PKM: variants seen among roughly 807,000 people sequenced by gnomAD.
PKM encodes the protein pyruvate kinase PKM.
A neutral mutation model predicts 49.8 loss-of-function variants in PKM; 18 were observed. The ratio of observed to expected loss-of-function variants is 0.36; its 90% CI spans 0.25 to 0.54. The LOEUF (loss-of-function observed/expected upper bound fraction) is 0.54, where lower values mean the gene tolerates loss of function less well. PKM is among the 20% of genes least tolerant of loss of function. The pLI, the probability that PKM is intolerant of heterozygous loss-of-function variation, is 0.89. For missense variants in PKM, 508 were observed against 713.8 expected, an observed-to-expected ratio of 0.71 and a Z score of 3.28; for synonymous variants, 239 against 261.8, an observed-to-expected ratio of 0.91 and a Z score of 0.84.
chr15:72,227,768 A>AAAAC (rs2082717618), intron 1 of PKM, among the ~76,000 whole-genome samples: 1 of 124,444 alleles, frequency 8.0e-6, no homozygotes. Context: ...AAAAAAAAAA[A>AAAAC]AAAAAACAAA....
chr15:72,211,065 CTTTG>C (rs1211167684), intron 3 of PKM, among the ~76,000 whole-genome samples: 4 of 151,028 alleles, frequency 2.6e-5, no homozygotes, highest in East Asian at 3.9e-4. Flanking sequence ...TTCTCAATCG[CTTTG>C]TTTTTTTTTT....
At chr15:72,221,334 T>A (rs2082517092) in intron 1 of PKM, 1 of 1,163,614 alleles carries the variant, frequency 8.6e-7, no homozygotes, top group Non-Finnish European at 1.2e-6. Context: ...CTCTTTGGGG[T>A]AATGGAAAAA....
chr15:72,206,674 C>A (rs1467426370), intron 8 of PKM, 54 bp downstream of exon 8: 1 of 1,578,264 alleles, frequency 6.3e-7, no homozygotes, highest in Admixed American at 1.7e-5. Context: ...GAGCTTGCAT[C>A]CATCCCAGGC....
chr15:72,208,018 G>C (rs1237973327), intron 6 of PKM, among the ~76,000 whole-genome samples: 1 of 152,346 alleles, frequency 6.6e-6, no homozygotes, highest in Middle Eastern at 3.4e-3. Context: ...TCTACTTTGT[G>C]AGCATTGGGG....
rs538682588 is a variant in PKM, at chr15:72,206,599, G to T, written c.1140+129C>A. On this transcript the variant is annotated intron_variant, in intron 8 of 10. Transcript: ENST00000335181. Reference sequence around the variant, plus strand: ...CTTCCACCCCCACCCTCTTGCTGCTGTAACTTGGAGGATAATGAAAGGCTG... The same window carrying T: ...CTTCCACCCCCACCCTCTTGCTGCTTTAACTTGGAGGATAATGAAAGGCTG... The T allele has an allele frequency of 6.9e-5, 65 of 945,446 alleles. No individual in the cohort carries two copies. In the East Asian group the frequency reaches 1.5e-3, roughly 22 times the overall value. The allele number at this position is 945,446 out of a possible 1,614,324, so 58.6% of individuals were successfully genotyped here.
chr15:72,200,668 G>C lies in PKM; in HGVS notation c.1308-13C>G. 6.2e-7 allele frequency: 1 copy of C among 1,608,954 alleles called. No homozygotes were observed. Among genetic ancestry groups the C allele is most frequent in the Admixed American group, 1.7e-5 (1 of 59,906 alleles). On this transcript the variant is annotated splice_polypyrimidine_tract_variant and intron_variant, in intron 9 of 10. Coordinates refer to ENST00000335181, the MANE Select transcript of PKM (RefSeq NM_002654.6). The surrounding 1 kb of genome is among the most constrained non-coding windows in gnomAD (Gnocchi z 4.6). ...CTGGTGAGCAGACCTGAGATGGGATGGGGGACATACAGAAGAGACCATTAC... is the reference window on the plus strand; with the variant it reads ...CTGGTGAGCAGACCTGAGATGGGATCGGGGACATACAGAAGAGACCATTAC...
chr15:72,230,457 C>G (rs2082825829), intron 1 of PKM, among the ~76,000 whole-genome samples: 1 of 152,052 alleles, frequency 6.6e-6, no homozygotes, highest in Non-Finnish European at 1.5e-5. Context: ...AGTGGGCGGG[C>G]GCGACCAGAG....
chr15:72,200,376 T>TC lies in PKM; in HGVS notation c.1489+97dup, dbSNP rs1164773081. The TC allele has an allele frequency of 1.8e-6, 2 of 1,101,784 alleles. No homozygotes were observed. The highest frequency in any genetic ancestry group is 4.9e-5 in the East Asian group (2 of 41,200). 68.3% of individuals were successfully genotyped at this position (1,101,784 alleles called of 1,614,324 possible). ...TTTTGCCCCACTAAGGTCTGTGTGT[T>TC]CCCCTTTCTATTCCCCAAACTTTCG... On this transcript the variant is annotated intron_variant, in intron 10 of 10. Coordinates refer to ENST00000335181, the MANE Select transcript of PKM (RefSeq NM_002654.6). The surrounding 1 kb of genome is among the most constrained non-coding windows in gnomAD (Gnocchi z 4.6).
At chr15:72,215,174 C>CT (rs377196472) in intron 3 of PKM, among the ~76,000 whole-genome samples, 9 of 151,932 alleles carry the variant, frequency 5.9e-5, no homozygotes, top group African/African-American at 2.2e-4. Context: ...GCACTCCAGC[C>CT]TGGGCAACAG....
chr15:72,221,266 T>C lies in PKM; in HGVS notation c.-13-2156A>G, dbSNP rs781177063. ...CTAGCAAAGACCGCTCAGAGCTGAA[T>C]ACGGTGTGCCCTGGAGAGCTGCACA... is the stretch of plus-strand genomic sequence containing the variant. On this transcript the variant is annotated intron_variant, in intron 1 of 10. Coordinates refer to ENST00000335181, the MANE Select transcript of PKM (RefSeq NM_002654.6). 82 of 1,534,570 alleles carry C rather than the reference T, an allele frequency of 5.3e-5. 2 individuals are homozygous for C. The South Asian group carries it at 9.3e-4, about 17-fold the overall frequency.
At chr15:72,207,574 C>G (rs2082117997) in intron 6 of PKM, among the ~76,000 whole-genome samples, 1 of 152,200 alleles carries the variant, frequency 6.6e-6, no homozygotes, top group Admixed American at 6.5e-5. Flanking sequence ...TCTCCAAATC[C>G]CATGCATGTT....
At chr15:72,212,797 C>G (rs1279572512) in intron 3 of PKM, among the ~76,000 whole-genome samples, 2 of 152,110 alleles carry the variant, frequency 1.3e-5, no homozygotes, top group Non-Finnish European at 2.9e-5. Context: ...TCAGGCCAGG[C>G]GCAGTGGCTC....
At chr15:72,204,113 G>A (rs983461026) in intron 8 of PKM, 3 of 152,186 alleles carry the variant, frequency 2.0e-5, no homozygotes, top group Admixed American at 6.6e-5. Context: ...TGTAAGAACG[G>A]AATGCATGCA....
chr15:72,221,118 AG>A (rs1444081917), intron 1 of PKM: 1 of 1,020,918 alleles, frequency 9.8e-7, no homozygotes, highest in Admixed American at 2.0e-5. Flanking sequence ...CTGAGATATG[AG>A]GGTCTTCCTG....
chr15:72,227,770 A>AAAAAC (rs529159326), intron 1 of PKM, among the ~76,000 whole-genome samples: 1 of 62,028 alleles, frequency 1.6e-5, no homozygotes, highest in African/African-American at 5.2e-5. Context: ...AAAAAAAAAA[A>AAAAAC]AAAACAAAAA....
chr15:72,230,849 G>T, intron 1 of PKM: 1 of 1,022,038 alleles, frequency 9.8e-7, no homozygotes, highest in Non-Finnish European at 1.3e-6. Flanking sequence ...AAGAGGATGG[G>T]ACCAGAATGA....
rs1219568158 is a variant in PKM at position 72,200,606 on chromosome 15, C to T, written c.1357G>A (p.Val453Met). The T allele has an allele frequency of 6.2e-7, 1 of 1,613,782 alleles. No individual in the cohort carries two copies. Among genetic ancestry groups the T allele is most frequent in the Non-Finnish European group, 8.5e-7 (1 of 1,179,858 alleles). ...RYRPRAPIIA[V>M]TRNPQTARQA... Reference sequence around the variant, plus strand: ...CGAGCTGTCTGGGGATTCCGGGTCACAGCAATGATGGGGGCACGTGGGCGG... The same window carrying T: ...CGAGCTGTCTGGGGATTCCGGGTCATAGCAATGATGGGGGCACGTGGGCGG... Residue 453 changes from valine (V) to methionine (M), a missense_variant, in exon 10 of 11, where the codon GTG (valine) becomes ATG (methionine). Physicochemically the swap from Val to Met is conservative, Grantham distance 21 (BLOSUM62 1). Transcript: ENST00000335181. This position sits in a 1 kb window ranked among gnomAD's most constrained non-coding sequence, Gnocchi z 4.6.
chr15:72,225,682 T>C (rs1329673191), intron 1 of PKM, among the ~76,000 whole-genome samples: 7 of 152,246 alleles, frequency 4.6e-5, no homozygotes, highest in African/African-American at 7.2e-5. Flanking sequence ...CCAGTGGGTA[T>C]ATGGATCTAG....
chr15:72,215,483 A>C (rs938657774), intron 3 of PKM, among the ~76,000 whole-genome samples: 15 of 152,250 alleles, frequency 9.9e-5, no homozygotes, highest in Admixed American at 5.2e-4. Flanking sequence ...AAAACTTCAA[A>C]ATGAACACAC....
Sources: allele counts gnomAD v4.1 joint callset (sites outside exome capture counted in the v4.1 genomes callset), GRCh38; gene constraint gnomAD v4.1.1; non-coding constraint Gnocchi (gnomAD v3.1); transcripts MANE v1.5; gene names NCBI Gene and HGNC (gene_info 2026-07-23, HGNC 2026-07-21).